Variants in TSPAN32 observed in about 807,000 individuals in gnomAD.
The protein encoded by TSPAN32 is tetraspanin 32, also known as tetraspanin-32.
A neutral mutation model predicts 42.7 loss-of-function variants in TSPAN32; 47 were observed. That is an observed-to-expected ratio of 1.10 (90% CI 0.87 to 1.40). The LOEUF (loss-of-function observed/expected upper bound fraction) is 1.40, where lower values mean the gene tolerates loss of function less well. TSPAN32 is among the 40% of genes most tolerant of loss of function. TSPAN32 has a pLI of 0.00. For synonymous variants in TSPAN32, 175 were observed against 175.9 expected, an observed-to-expected ratio of 0.99 and a Z score of 0.04; for missense variants, 469 against 424.1, an observed-to-expected ratio of 1.11 and a Z score of -0.93.
intron 4 of TSPAN32, among the ~76,000 whole-genome samples, chr11:2,312,417 G>A (rs1301716720): frequency 6.6e-6 from 1 of 152,264 alleles, no homozygotes; most frequent in Non-Finnish European, 1.5e-5. Flanking sequence ...CTTGGTGCCT[G>A]CCCGCCCCTG....
chr11:2,317,615 G>A lies in TSPAN32; in HGVS notation c.901+90G>A. Reference sequence around the variant, plus strand: ...GGAAGGGAGTGAAGGCCCAGCCAGAGAGCCAGGCTCCATTGGGAACAGATG... The same window carrying A: ...GGAAGGGAGTGAAGGCCCAGCCAGAAAGCCAGGCTCCATTGGGAACAGATG... On this transcript the variant is annotated intron_variant, in intron 9 of 9. Coordinates refer to ENST00000182290, the MANE Select transcript of TSPAN32 (RefSeq NM_139022.3). This position sits in a 1 kb window ranked among gnomAD's most constrained non-coding sequence, Gnocchi z 6.2. The A allele has an allele frequency of 6.7e-7, 1 of 1,499,296 alleles. No individual in the cohort carries two copies. Among genetic ancestry groups the A allele is most frequent in the South Asian group, 1.3e-5 (1 of 78,596 alleles). 92.9% of individuals were successfully genotyped at this position (1,499,296 alleles called of 1,614,324 possible).
rs781030842 is a variant in TSPAN32 at position 2,302,145 on chromosome 11, C to A, written c.-5C>A. 6.8e-7 allele frequency: 1 copy of A among 1,467,886 alleles called. No homozygotes were observed. The highest frequency in any genetic ancestry group is 2.6e-5 in the Admixed American group (1 of 38,372). The allele number at this position is 1,467,886 out of a possible 1,614,324, so 90.9% of individuals were successfully genotyped here. A position where few individuals can be genotyped will look rare whatever the true frequency, so the allele number is the denominator to read the frequency against. ...AGGGGAGGAGAGGAGAGGAGAGGAACCGTCATGGGGCCTTGGAGTCGAGTC... is the reference window on the plus strand; with the variant it reads ...AGGGGAGGAGAGGAGAGGAGAGGAAACGTCATGGGGCCTTGGAGTCGAGTC... On this transcript the variant is annotated 5_prime_UTR_variant, in exon 1 of 10. Transcript: ENST00000182290.
chr11:2,316,553 A>G, intron 7 of TSPAN32, 23 bp from the exon 8 acceptor site: 1 of 1,602,410 alleles, frequency 6.2e-7, no homozygotes, highest in Non-Finnish European at 8.5e-7. Flanking sequence ...GCAGTGGGGC[A>G]GCCGCGGGTG....
chr11:2,317,863 C>T lies in TSPAN32; in HGVS notation c.902C>T (p.Ala301Val). Residue 301 changes from alanine (A) to valine (V), a missense_variant and splice_region_variant, in exon 10 of 10, where the codon GCT becomes GTT. By Grantham distance (64) the Ala-to-Val change is moderately conservative (BLOSUM62 0). Transcript: ENST00000182290. The surrounding 1 kb of genome is among the most constrained non-coding windows in gnomAD (Gnocchi z 6.2). ...GCAGTGCCCATTTATGATCTCGCAG[C>T]TCTCCAGGGCAGAAGTCGCGGTGGG... ...PLSCHLAAHR[A>V]LQGRSRGGLS... The T allele has an allele frequency of 6.4e-7, 1 of 1,563,846 alleles. No homozygotes were observed. Among genetic ancestry groups the T allele is most frequent in the East Asian group, 2.2e-5 (1 of 44,652 alleles).
Position 2,316,639 on chromosome 11 carries a change from C to A in TSPAN32, c.691C>A (p.Arg231Ser). The part of the protein sequence containing the change: ...FAIRCGCSLD[R>S]KGKYTLTPRA... ...CATCCGCTGTGGCTGCAGCTTGGAC[C>A]GCAAGGGCAAATACACCCTGACCCC... The change falls in exon 8 of 10, where the codon CGC becomes AGC. Residue 231 changes from arginine (R) to serine (S), a missense_variant. Arg to Ser is a moderately radical substitution (Grantham distance 110). Transcript: ENST00000182290. 6.5e-7 allele frequency: 1 copy of A among 1,542,112 alleles called. No individual in the cohort carries two copies. The highest frequency in any genetic ancestry group is 8.8e-7 in the Non-Finnish European group (1 of 1,142,266).
At chr11:2,306,544 G>A (rs1564957105) in intron 3 of TSPAN32, among the ~76,000 whole-genome samples, 2 of 149,826 alleles carry the variant, frequency 1.3e-5, no homozygotes, top group Non-Finnish European at 3.0e-5. Context: ...GGTGGTGGGG[G>A]GAGAGAGAGA....
At chr11:2,307,930 A>G (rs553320393) in intron 3 of TSPAN32, among the ~76,000 whole-genome samples, 1 of 152,316 alleles carries the variant, frequency 6.6e-6, no homozygotes, top group South Asian at 2.1e-4. Flanking sequence ...AAGCCTCACC[A>G]GCACTGGGCT....
At position 2,317,910 on chromosome 11, in the gene TSPAN32, G is replaced by T. The variant is rs775515733; in HGVS notation, c.949G>T (p.Gly317Cys). Residue 317 changes from glycine to cysteine, a missense_variant, in exon 10 of 10, where the codon GGT becomes TGT. Transcript: ENST00000182290. The surrounding 1 kb of genome is among the most constrained non-coding windows in gnomAD (Gnocchi z 6.2). ...TGGGCTCAGTGGGTGCCCTGAGCGG[G>T]GTCTCTCAGACTGACGTCAGGCCTT... is the stretch of plus-strand genomic sequence containing the variant. Reference protein sequence around the residue: ...RGGLSGCPERGLSD With the variant: ...RGGLSGCPERCLSD The T allele has an allele frequency of 8.3e-7, 1 of 1,208,348 alleles. No individual in the cohort carries two copies. The highest frequency in any genetic ancestry group is 1.2e-5 in the South Asian group (1 of 82,954). The allele number at this position is 1,208,348 out of a possible 1,614,324, so 74.9% of individuals were successfully genotyped here. A position where few individuals can be genotyped will look rare whatever the true frequency, so the allele number is the denominator to read the frequency against.
At position 2,317,055 on chromosome 11, in the gene TSPAN32, G is replaced by A. The variant is rs573186165; in HGVS notation, c.720-289G>A. Among the ~76,000 whole-genome samples the A allele has an allele frequency of 2.6e-5, 4 of 152,164 alleles. No homozygotes were observed. Among genetic ancestry groups the A allele is most frequent in the East Asian group, 1.9e-4 (1 of 5,174 alleles). The stretch of plus-strand genomic sequence containing the variant: ...CCAGGCAGCTCTTCCTGCCCCCACG[G>A]AGCCTGGCCCGTCTCTGCCTGCCAT... On this transcript the variant is annotated intron_variant, in intron 8 of 9. Transcript: ENST00000182290. This position sits in a 1 kb window ranked among gnomAD's most constrained non-coding sequence, Gnocchi z 6.2.
At chr11:2,308,289 T>C (rs1848229438) in intron 3 of TSPAN32, among the ~76,000 whole-genome samples, 1 of 151,944 alleles carries the variant, frequency 6.6e-6, no homozygotes, top group Admixed American at 6.5e-5. Context: ...GGAGCGGGAC[T>C]CAGACCCACA....
chr11:2,312,503 T>C (rs1848519977), intron 4 of TSPAN32, among the ~76,000 whole-genome samples: 1 of 152,164 alleles, frequency 6.6e-6, no homozygotes, highest in South Asian at 2.1e-4. Context: ...TTAGCATCAA[T>C]GGGAGGGATG....
Position 2,308,982 on chromosome 11 carries a change from G to A in TSPAN32, c.354+172G>A, listed in dbSNP as rs573328390. On this transcript the variant is annotated intron_variant, in intron 4 of 9. Transcript: ENST00000182290. ...TTCCCTCTGCCTGAGGCTTCAGGGA[G>A]GCCAAGCGCTGGAGGTGGGTGAGGG... 2.6e-4 allele frequency among the ~76,000 whole-genome samples: 40 copies of A among 152,166 alleles called. No individual in the cohort carries two copies. In the South Asian group the frequency reaches 8.3e-3, roughly 32 times the overall value.
intron 3 of TSPAN32, among the ~76,000 whole-genome samples, chr11:2,306,729 G>A (rs2133306124): frequency 6.7e-6 from 1 of 150,216 alleles, no homozygotes; most frequent in Non-Finnish European, 1.5e-5. Flanking sequence ...CAAGGAGGAG[G>A]AGGAGGAGGA....
chr11:2,308,372 GCCCCGCAGTGACTGCCCCCAC>G (rs1848237958), intron 3 of TSPAN32, among the ~76,000 whole-genome samples: 5 of 151,382 alleles, frequency 3.3e-5, no homozygotes, highest in Admixed American at 6.6e-5. Flanking sequence ...GCCCCACCAG[GCCCCGCAGTGACTGCCCCCAC>G]CCCCGCAGTG....
chr11:2,315,185 C>G lies in TSPAN32; in HGVS notation c.543+614C>G, dbSNP rs957641933. 13 of 1,056,816 alleles carry G rather than the reference C, an allele frequency of 1.2e-5. No individual in the cohort carries two copies. In the African/African-American group the frequency reaches 2.3e-4, roughly 19 times the overall value. The allele number at this position is 1,056,816 out of a possible 1,614,324, so 65.5% of individuals were successfully genotyped here. A position where few individuals can be genotyped will look rare whatever the true frequency, so the allele number is the denominator to read the frequency against. On this transcript the variant is annotated intron_variant, in intron 6 of 9. Coordinates refer to ENST00000182290, the MANE Select transcript of TSPAN32 (RefSeq NM_139022.3). ...TCCCCCAGCCCACCCTGCCCCCTCC[C>G]TGCTCCCCTCCCCGCTCCCCTCCCC...
At chr11:2,309,269 C>T (rs1218343284) in intron 4 of TSPAN32, 2 of 451,074 alleles carry the variant, frequency 4.4e-6, no homozygotes, top group South Asian at 3.1e-5. Flanking sequence ...GGGAAGGGAC[C>T]TGGAGACCCG....
chr11:2,307,814 G>T (rs1848207508), intron 3 of TSPAN32, among the ~76,000 whole-genome samples: 2 of 152,180 alleles, frequency 1.3e-5, no homozygotes, highest in Admixed American at 1.3e-4. Context: ...GGTTGGCCGG[G>T]CCATGGAGAC....
At chr11:2,309,058 C>T (rs1307467494) in intron 4 of TSPAN32, among the ~76,000 whole-genome samples, 2 of 151,964 alleles carry the variant, frequency 1.3e-5, no homozygotes, top group Non-Finnish European at 2.9e-5. Flanking sequence ...TGCCTTCGCC[C>T]CAGTCTCATT....
intron 6 of TSPAN32, chr11:2,315,557 AG>A (rs1848736733): frequency 1.7e-6 from 2 of 1,168,180 alleles, no homozygotes; most frequent in East Asian, 1.2e-4. Flanking sequence ...CACAGGCGGC[AG>A]GCACGGAGCC....
Sources: gnomAD v4.1 joint callset for allele counts (sites outside exome capture counted in the v4.1 genomes callset) on GRCh38, gnomAD v4.1.1 for gene constraint, Gnocchi (gnomAD v3.1) non-coding constraint, MANE v1.5 for transcripts, NCBI Gene and HGNC (gene_info 2026-07-23, HGNC 2026-07-21) for gene names.